Variants in ANKRD30BL observed in about 807,000 individuals in gnomAD.
ANKRD30BL encodes putative ankyrin repeat domain-containing protein 30B-like.
Under a neutral mutation model 18.4 loss-of-function variants are expected in ANKRD30BL, and 20 were observed. That is an observed-to-expected ratio of 1.09 (90% CI 0.77 to 1.58). The LOEUF (loss-of-function observed/expected upper bound fraction) is 1.58. Among genes scored for constraint, ANKRD30BL ranks in the 40% most tolerant of loss-of-function variants. ANKRD30BL has a pLI of 0.00. For synonymous variants in ANKRD30BL, 72 were observed against 100.9 expected (o/e 0.71, Z 1.72); for missense variants, 224 against 268.6 (o/e 0.83, Z 1.16).
intron 1 of ANKRD30BL, among the ~76,000 whole-genome samples, chr2:132,208,905 T>C (rs1679263648): frequency 1.3e-5 from 2 of 151,330 alleles, no homozygotes; most frequent in African/African-American, 2.4e-5. Flanking sequence ...CCTCACAGAG[T>C]TGAACTTTTC....
intron 1 of ANKRD30BL, among the ~76,000 whole-genome samples, chr2:132,220,536 G>T (rs562619331): frequency 5.8e-4 from 87 of 150,662 alleles, no homozygotes; most frequent in African/African-American, 1.9e-3. Context: ...ACTGGTTTTC[G>T]TTTTTTTTTG....
At chr2:132,236,277 G>C (rs959080105) in intron 1 of ANKRD30BL, among the ~76,000 whole-genome samples, 1 of 152,064 alleles carries the variant, frequency 6.6e-6, no homozygotes, top group Non-Finnish European at 1.5e-5. Context: ...ACATAGGCAT[G>C]GGCAAGGACT....
intron 1 of ANKRD30BL, among the ~76,000 whole-genome samples, chr2:132,240,192 T>C (rs367631101): frequency 2.0e-5 from 3 of 151,600 alleles, no homozygotes; most frequent in East Asian, 3.9e-4. Context: ...AAACTACTTT[T>C]TGATGTGTGT....
intron 1 of ANKRD30BL, among the ~76,000 whole-genome samples, chr2:132,202,197 C>T (rs577454979): frequency 2.0e-5 from 3 of 151,908 alleles, no homozygotes; most frequent in Non-Finnish European, 2.9e-5. Flanking sequence ...TGCTAGATGA[C>T]GAGTTAGTGG....
At chr2:132,191,055 AT>A (rs1391517175) in intron 1 of ANKRD30BL, among the ~76,000 whole-genome samples, 2 of 152,218 alleles carry the variant, frequency 1.3e-5, no homozygotes, top group Non-Finnish European at 2.9e-5. Context: ...ACCAATGAAG[AT>A]ATTGAAGCTG....
intron 5 of ANKRD30BL, among the ~76,000 whole-genome samples, chr2:132,148,798 CTAAA>C (rs1431501745): frequency 2.0e-5 from 3 of 151,606 alleles, no homozygotes; most frequent in Admixed American, 6.6e-5. Flanking sequence ...AGAGTAAGCA[CTAAA>C]TAAAGTAGTA....
At chr2:132,196,328 G>A (rs1678969410) in intron 1 of ANKRD30BL, among the ~76,000 whole-genome samples, 1 of 152,050 alleles carries the variant, frequency 6.6e-6, no homozygotes, top group African/African-American at 2.4e-5. Flanking sequence ...GGTGGCAGGT[G>A]CCTGCAATCC....
intron 1 of ANKRD30BL, chr2:132,253,367 C>G (rs567877742): frequency 6.5e-6 from 1 of 152,678 alleles, no homozygotes; most frequent in African/African-American, 2.4e-5. Flanking sequence ...CACAGCACGT[C>G]ACCCAGAGGG....
At chr2:132,252,605 C>T (rs976158667) in intron 1 of ANKRD30BL, among the ~76,000 whole-genome samples, 6 of 152,094 alleles carry the variant, frequency 3.9e-5, no homozygotes, top group African/African-American at 1.4e-4. Flanking sequence ...AGGAGGGGCA[C>T]TGGAGCTGTG....
At chr2:132,241,808 G>A (rs551513043) in intron 1 of ANKRD30BL, among the ~76,000 whole-genome samples, 1 of 152,100 alleles carries the variant, frequency 6.6e-6, no homozygotes, top group East Asian at 1.9e-4. Flanking sequence ...GAATCTGCAA[G>A]TGGATATTTG....
intron 1 of ANKRD30BL, among the ~76,000 whole-genome samples, chr2:132,221,424 A>G (rs1214046903): frequency 1.3e-4 from 11 of 84,946 alleles, no homozygotes; most frequent in Admixed American, 3.8e-4. Context: ...AGGTGGGGGG[A>G]TCAGCCCCCC....
intron 1 of ANKRD30BL, among the ~76,000 whole-genome samples, chr2:132,221,698 A>G (rs1174280893): frequency 1.6e-4 from 12 of 73,272 alleles, no homozygotes; most frequent in East Asian, 4.3e-4. Context: ...AGGTGGGGGG[A>G]TCAGCCCCCT....
intron 1 of ANKRD30BL, among the ~76,000 whole-genome samples, chr2:132,218,128 C>T: frequency 6.6e-6 from 1 of 152,100 alleles, no homozygotes. Context: ...TTCACATAAA[C>T]TCTAGACAGA....
At chr2:132,220,033 T>A (rs1679627217) in intron 1 of ANKRD30BL, among the ~76,000 whole-genome samples, 1 of 152,142 alleles carries the variant, frequency 6.6e-6, no homozygotes, top group South Asian at 2.1e-4. Context: ...TCTCAGAAAC[T>A]TCTTTGTGAT....
rs545865395 is a variant in ANKRD30BL at position 132,242,132 on chromosome 2, C to A, written n.441+15397G>T. Among the ~76,000 whole-genome samples, 5 of 151,706 alleles carry A rather than the reference C, an allele frequency of 3.3e-5. No individual in the cohort carries two copies. The East Asian group carries it at 7.8e-4, about 24-fold the overall frequency. On this transcript the variant is annotated intron_variant and non_coding_transcript_variant, in intron 1 of 4. Transcript: ENST00000470729. The stretch of plus-strand genomic sequence containing the variant: ...TTAGATACAGCAGTTTTTAACCACT[C>A]TTCTTGTAGAATTTACAAGTGGATG...
chr2:132,254,140 G>T (rs10170668), intron 1 of ANKRD30BL, among the ~76,000 whole-genome samples: 1 of 150,678 alleles, frequency 6.6e-6, no homozygotes, highest in East Asian at 2.0e-4. Context: ...CATCCAGCCC[G>T]CCCCACGACA....
At chr2:132,216,148 G>A (rs1679492914) in intron 1 of ANKRD30BL, among the ~76,000 whole-genome samples, 1 of 151,978 alleles carries the variant, frequency 6.6e-6, no homozygotes, top group Non-Finnish European at 1.5e-5. Context: ...TGGATATTTG[G>A]AGCACTTTGT....
intron 1 of ANKRD30BL, among the ~76,000 whole-genome samples, chr2:132,203,607 A>G (rs1679153154): frequency 6.6e-6 from 1 of 152,122 alleles, no homozygotes. Flanking sequence ...GAAACTGAAT[A>G]CAATTGAATA....
chr2:132,199,994 A>C (rs974931892), intron 1 of ANKRD30BL, among the ~76,000 whole-genome samples: 2 of 152,234 alleles, frequency 1.3e-5, no homozygotes, highest in African/African-American at 4.8e-5. Context: ...CCTGGGATGC[A>C]AGGCTGGTTC....
Sources: gnomAD v4.1 joint callset for allele counts (sites outside exome capture counted in the v4.1 genomes callset) on GRCh38, gnomAD v4.1.1 for gene constraint, MANE v1.5 for transcripts, NCBI Gene and HGNC (gene_info 2026-07-23, HGNC 2026-07-21) for gene names.